The following ANKRD55 variants were observed in gnomAD, a reference collection of about 807,000 sequenced individuals.
The protein encoded by ANKRD55 is ankyrin repeat domain-containing protein 55.
ANKRD55 carries 41 observed loss-of-function variants against 60.6 expected under a neutral mutation model. The observed-to-expected ratio is 0.68, with a 90% CI of 0.53 to 0.88. ANKRD55 has a LOEUF of 0.88. Among genes scored for constraint, ANKRD55 ranks in the 40% least tolerant of loss-of-function variants. ANKRD55 has a pLI of 0.00. For synonymous variants in ANKRD55, 264 were observed against 290.3 expected (o/e 0.91, Z 0.92); for missense variants, 732 against 767.6 (o/e 0.95, Z 0.55).
chr5:56,181,928 T>C (rs1002008033), intron 3 of ANKRD55, among the ~76,000 whole-genome samples: 1 of 152,234 alleles, frequency 6.6e-6, no homozygotes, highest in South Asian at 2.1e-4. Context: ...TATTTGCTAA[T>C]ATTTGGTTAA....
At chr5:56,164,552 A>G (rs963630142) in intron 5 of ANKRD55, among the ~76,000 whole-genome samples, 25 of 152,222 alleles carry the variant, frequency 1.6e-4, no homozygotes, top group Non-Finnish European at 3.5e-4. Context: ...GCCAGTAGCC[A>G]TGGAGACCAT....
intron 9 of ANKRD55, among the ~76,000 whole-genome samples, chr5:56,112,038 AG>A (rs142615654): frequency 1.7e-3 from 254 of 152,298 alleles, no homozygotes; most frequent in African/African-American, 5.8e-3. Flanking sequence ...TTGCTCCTTC[AG>A]GGGATATCCT....
chr5:56,123,774 G>A lies in ANKRD55; in HGVS notation c.797+3148C>T, dbSNP rs189061882. ...GAAGAACAGGGTTTTGCTGAGTAACGAGGGGAGCATATAGATAATCTCTAA... is the reference window on the plus strand; with the variant it reads ...GAAGAACAGGGTTTTGCTGAGTAACAAGGGGAGCATATAGATAATCTCTAA... On this transcript the variant is annotated intron_variant, in intron 8 of 11. Coordinates refer to ENST00000341048, the MANE Select transcript of ANKRD55 (RefSeq NM_024669.3). 7.2e-4 allele frequency among the ~76,000 whole-genome samples: 109 copies of A among 152,246 alleles called. 1 individual carries two copies. Among genetic ancestry groups the A allele is most frequent in the African/African-American group, 2.6e-3 (107 of 41,510 alleles).
chr5:56,205,095 C>G (rs1198754920), intron 2 of ANKRD55, among the ~76,000 whole-genome samples: 1 of 151,946 alleles, frequency 6.6e-6, no homozygotes, highest in Non-Finnish European at 1.5e-5. Flanking sequence ...GAGTCTCACT[C>G]TGTTGCCCAG....
intron 2 of ANKRD55, among the ~76,000 whole-genome samples, chr5:56,220,680 G>C (rs898063757): frequency 6.6e-6 from 1 of 152,138 alleles, no homozygotes; most frequent in Non-Finnish European, 1.5e-5. Flanking sequence ...GGTCATGATG[G>C]TGGGCGTCTG....
At chr5:56,146,620 T>G (rs1757906249) in intron 6 of ANKRD55, 2 of 150,816 alleles carry the variant, frequency 1.3e-5, no homozygotes, top group Admixed American at 6.7e-5. Flanking sequence ...TTTAAAATCA[T>G]ACACAGAAGA....
Position 56,111,174 on chromosome 5 carries a change from C to T in ANKRD55, c.1574G>A (p.Gly525Asp), listed in dbSNP as rs1239892106. The T allele has an allele frequency of 1.9e-6, 3 of 1,614,142 alleles. No individual in the cohort carries two copies. Among genetic ancestry groups the T allele is most frequent in the South Asian group, 2.2e-5 (2 of 91,076 alleles). The change falls in exon 10 of 12, where the codon GGT becomes GAT. Residue 525 changes from glycine (G) to aspartate (D), a missense_variant. Gly to Asp is a moderately conservative substitution (Grantham distance 94). This residue lies in a region of ANKRD55 where 597 missense variants were observed against 607.5 expected (regional missense o/e 0.98). Coordinates refer to ENST00000341048, the MANE Select transcript of ANKRD55 (RefSeq NM_024669.3). ...TGGTGGCACGGAGACCTCTTGGTGA[C>T]CAGGCCGGACACTGAGCAATCTGTC... is the stretch of plus-strand genomic sequence containing the variant. The part of the protein sequence containing the change: ...LLDRLLSVRP[G>D]HQEVSVPPHL...
At chr5:56,120,246 A>G (rs1338087005) in intron 8 of ANKRD55, among the ~76,000 whole-genome samples, 1 of 152,128 alleles carries the variant, frequency 6.6e-6, no homozygotes, top group East Asian at 1.9e-4. Flanking sequence ...CATGTTGGCC[A>G]GGATGGTTTC....
At chr5:56,117,834 T>C (rs1397206716) in intron 8 of ANKRD55, among the ~76,000 whole-genome samples, 4 of 152,212 alleles carry the variant, frequency 2.6e-5, no homozygotes, top group African/African-American at 7.2e-5. Context: ...CTTTCTTTCA[T>C]GATGTTATGT....
At chr5:56,149,973 C>CT (rs1189983763) in intron 6 of ANKRD55, among the ~76,000 whole-genome samples, 35 of 151,944 alleles carry the variant, frequency 2.3e-4, no homozygotes, top group Admixed American at 2.3e-3. Context: ...TCTCTAGTAG[C>CT]TGGGACTACA....
intron 7 of ANKRD55, among the ~76,000 whole-genome samples, chr5:56,138,520 T>C (rs958521430): frequency 2.0e-5 from 3 of 152,194 alleles, no homozygotes; most frequent in African/African-American, 7.2e-5. Context: ...AAAACTTATG[T>C]TTACACAAAA....
In ANKRD55 at chr5:56,113,893, A is replaced by G. The variant is rs192066118; in HGVS notation, c.966-2111T>C. Among the ~76,000 whole-genome samples, 5 of 151,356 alleles carry G rather than the reference A, an allele frequency of 3.3e-5. No homozygotes were observed. The East Asian group carries it at 9.7e-4, about 29-fold the overall frequency. ...TTGAACTCCTGGGCTCAAGTGATCCACCCACCTTGGCTTCCCAAAGTGTGG... is the reference window on the plus strand; with the variant it reads ...TTGAACTCCTGGGCTCAAGTGATCCGCCCACCTTGGCTTCCCAAAGTGTGG... On this transcript the variant is annotated intron_variant, in intron 9 of 11. Coordinates refer to ENST00000341048, the MANE Select transcript of ANKRD55 (RefSeq NM_024669.3).
At chr5:56,108,734 T>C (rs759684418) in intron 10 of ANKRD55, among the ~76,000 whole-genome samples, 1 of 152,328 alleles carries the variant, frequency 6.6e-6, no homozygotes, top group Non-Finnish European at 1.5e-5. Context: ...GGCCCTTTTC[T>C]ACTTTTTAAA....
At chr5:56,131,919 A>G (rs1009113981) in intron 7 of ANKRD55, among the ~76,000 whole-genome samples, 8 of 151,750 alleles carry the variant, frequency 5.3e-5, no homozygotes, top group Non-Finnish European at 1.2e-4. Flanking sequence ...GTGAAGGTAA[A>G]ATAAAAACTT....
In ANKRD55 at chr5:56,126,963, T is replaced by C; in HGVS notation, c.756A>G (p.Arg252=). 1 of 1,613,876 alleles carries C rather than the reference T, an allele frequency of 6.2e-7. No homozygotes were observed. The highest frequency in any genetic ancestry group is 8.5e-7 in the Non-Finnish European group (1 of 1,179,842). Residue 252 remains arginine, a synonymous_variant, in exon 8 of 12, where the codon AGA becomes AGG. Coordinates refer to ENST00000341048, the MANE Select transcript of ANKRD55 (RefSeq NM_024669.3). The part of the protein sequence containing the change: ...GFSDIIHELA[R]VPECNLQALD... ...GAGCCTGCAGGTTACACTCAGGGAC[T>C]CTTGCCAGCTCATGAATAATATCGC...
intron 2 of ANKRD55, among the ~76,000 whole-genome samples, chr5:56,227,462 A>G (rs1258036227): frequency 6.6e-6 from 1 of 152,152 alleles, no homozygotes; most frequent in Non-Finnish European, 1.5e-5. Context: ...CACTGTGCAT[A>G]TGTACCCTAG....
intron 10 of ANKRD55, among the ~76,000 whole-genome samples, chr5:56,109,709 C>T (rs957742735): frequency 2.6e-5 from 4 of 152,078 alleles, no homozygotes; most frequent in African/African-American, 7.2e-5. Context: ...GGAATAGATA[C>T]ATATACATTT....
intron 8 of ANKRD55, among the ~76,000 whole-genome samples, chr5:56,117,823 T>C (rs1756924372): frequency 3.3e-5 from 5 of 152,244 alleles, no homozygotes; most frequent in Admixed American, 2.6e-4. Flanking sequence ...ATTCATTTTT[T>C]CTTTCTTTCA....
intron 3 of ANKRD55, among the ~76,000 whole-genome samples, chr5:56,177,901 G>C (rs1265214556): frequency 6.6e-6 from 1 of 152,060 alleles, no homozygotes; most frequent in East Asian, 1.9e-4. Flanking sequence ...AATTTCTTCA[G>C]GGAACACCTT....
Sources: gnomAD v4.1 joint callset for allele counts (sites outside exome capture counted in the v4.1 genomes callset) on GRCh38, gnomAD v4.1.1 for gene constraint, gnomAD v4.1.1 regional missense constraint, MANE v1.5 for transcripts, NCBI Gene and HGNC (gene_info 2026-07-23, HGNC 2026-07-21) for gene names.